BOLL: variants seen among roughly 807,000 people sequenced by gnomAD.
BOLL encodes boule RNA binding protein.
BOLL carries 23 observed loss-of-function variants against 44.4 expected under a neutral mutation model. That is an observed-to-expected ratio of 0.52 (90% CI 0.37 to 0.73). The LOEUF is 0.73. Among genes scored for constraint, BOLL ranks in the 30% least tolerant of loss-of-function variants. BOLL has a pLI of 0.00. For synonymous variants in BOLL, 97 were observed against 110.8 expected (o/e 0.88, Z 0.78); for missense variants, 287 against 338.3 (o/e 0.85, Z 1.19).
intron 5 of BOLL, chr2:197,774,413 A>G (rs1444067757): frequency 1.3e-5 from 2 of 152,276 alleles, no homozygotes; most frequent in African/African-American, 4.8e-5. Flanking sequence ...CAATGACTTT[A>G]TCTTTTTGGG....
chr2:197,776,093 G>T (rs985954004), intron 4 of BOLL, among the ~76,000 whole-genome samples: 1 of 151,544 alleles, frequency 6.6e-6, no homozygotes, highest in East Asian at 1.9e-4. Context: ...AGCCTGATGC[G>T]CATGCTCCCA....
At chr2:197,734,376 C>T (rs375285346) in intron 10 of BOLL, among the ~76,000 whole-genome samples, 112 of 152,218 alleles carry the variant, frequency 7.4e-4, no homozygotes, top group African/African-American at 2.2e-3. Context: ...GACTGTAAAC[C>T]AGTTCAACCA....
At position 197,768,695 on chromosome 2, in the gene BOLL, T is replaced by C. The variant is rs908954311; in HGVS notation, c.481-2092A>G. ...AAATAAAAAATAGCATATATTCTTG[T>C]AGTAAAAAACAAAAAACTAAAAAAG... On this transcript the variant is annotated intron_variant, in intron 6 of 10. Transcript: ENST00000392296. 2.7e-5 allele frequency among the ~76,000 whole-genome samples: 4 copies of C among 150,332 alleles called. No individual in the cohort carries two copies. The East Asian group carries it at 5.8e-4, about 22-fold the overall frequency.
intron 8 of BOLL, among the ~76,000 whole-genome samples, chr2:197,756,800 A>T (rs932963505): frequency 1.3e-5 from 2 of 152,182 alleles, no homozygotes; most frequent in African/African-American, 4.8e-5. Flanking sequence ...TGAGAACCTC[A>T]TATATAAATT....
upstream of BOLL, chr2:197,786,084 G>C (rs936128987): frequency 3.2e-6 from 5 of 1,544,294 alleles, no homozygotes; most frequent in African/African-American, 6.9e-5. This position sits in a 1 kb window ranked among gnomAD's most constrained non-coding sequence, Gnocchi z 5.9. Flanking sequence ...AGGCAGCAGC[G>C]CTGCTTGTCC....
At chr2:197,781,047 A>G (rs1370284136) in intron 2 of BOLL, among the ~76,000 whole-genome samples, 1 of 152,078 alleles carries the variant, frequency 6.6e-6, no homozygotes, top group Non-Finnish European at 1.5e-5. Context: ...TTTTATTTTA[A>G]GTTCGGGGTA....
At chr2:197,779,952 C>T (rs1399496104) in intron 2 of BOLL, among the ~76,000 whole-genome samples, 4 of 151,964 alleles carry the variant, frequency 2.6e-5, no homozygotes, top group Non-Finnish European at 5.9e-5. Flanking sequence ...CAACTGCCAC[C>T]TCACTACTTA....
intron 4 of BOLL, 75 bp from the exon 5 acceptor site, chr2:197,775,815 T>C: frequency 1.2e-6 from 1 of 869,358 alleles, no homozygotes; most frequent in East Asian, 3.2e-5. Context: ...AAAAACTAGT[T>C]AGAAAGAATT....
chr2:197,728,998 C>T (rs567485158), intron 10 of BOLL, among the ~76,000 whole-genome samples: 25 of 152,296 alleles, frequency 1.6e-4, no homozygotes, highest in Admixed American at 6.5e-4. Context: ...GGAACAGCTC[C>T]GGTCTACAGC....
Position 197,785,212 on chromosome 2 carries a change from G to A in BOLL, c.-172C>T, listed in dbSNP as rs1690015929. 1 of 985,830 alleles carries A rather than the reference G, an allele frequency of 1.0e-6. No homozygotes were observed. Among genetic ancestry groups the A allele is most frequent in the South Asian group, 4.7e-5 (1 of 21,294 alleles). 61.1% of individuals were successfully genotyped at this position (985,830 alleles called of 1,614,324 possible). A position where few individuals can be genotyped will look rare whatever the true frequency, so the allele number is the denominator to read the frequency against. ...CCACCCCCTCCCCACCAAAGTGCGGGAGGGAAAAGAAGGCTAGCCAGCGAG... is the reference window on the plus strand; with the variant it reads ...CCACCCCCTCCCCACCAAAGTGCGGAAGGGAAAAGAAGGCTAGCCAGCGAG... On this transcript the variant is annotated 5_prime_UTR_variant, in exon 1 of 11. Transcript: ENST00000392296. The surrounding 1 kb of genome is among the most constrained non-coding windows in gnomAD (Gnocchi z 6.7).
intron 7 of BOLL, chr2:197,758,924 CA>C: frequency 6.5e-7 from 1 of 1,531,778 alleles, no homozygotes; most frequent in Non-Finnish European, 8.7e-7. Context: ...AAATGTTAGC[CA>C]GGGGAGCAAA....
At chr2:197,783,110 C>T (rs909411823) in intron 1 of BOLL, among the ~76,000 whole-genome samples, 8 of 151,986 alleles carry the variant, frequency 5.3e-5, no homozygotes, top group African/African-American at 1.7e-4. Context: ...GAGACAAACC[C>T]CATAATATCC....
chr2:197,752,167 A>G (rs1065957), intron 9 of BOLL, among the ~76,000 whole-genome samples: 75,240 of 152,046 alleles, frequency 0.49, 19,272 homozygotes, highest in African/African-American at 0.6. Context: ...AATAAGAGCT[A>G]TTTATGACAA....
intron 9 of BOLL, among the ~76,000 whole-genome samples, chr2:197,751,039 G>C (rs1410597003): frequency 6.6e-6 from 1 of 152,166 alleles, no homozygotes; most frequent in East Asian, 1.9e-4. Flanking sequence ...ATCTGCTCCT[G>C]AATGACTAGT....
intron 5 of BOLL, among the ~76,000 whole-genome samples, chr2:197,772,339 T>C (rs1466999900): frequency 6.6e-6 from 1 of 152,056 alleles, no homozygotes; most frequent in Non-Finnish European, 1.5e-5. Flanking sequence ...AAATTATGTA[T>C]AATTTAAAGT....
chr2:197,758,651 TTGATGACCC>T (rs1447782876), intron 7 of BOLL, among the ~76,000 whole-genome samples: 4 of 152,188 alleles, frequency 2.6e-5, no homozygotes, highest in African/African-American at 9.6e-5. Flanking sequence ...AAGCCATAGT[TTGATGACCC>T]TGCTATAGAC....
chr2:197,785,708 C>G (rs1690044946), upstream of BOLL, among the ~76,000 whole-genome samples: 1 of 152,208 alleles, frequency 6.6e-6, no homozygotes, highest in East Asian at 1.9e-4. The surrounding 1 kb of genome is among the most constrained non-coding windows in gnomAD (Gnocchi z 6.7). Context: ...AGCCCGCCGC[C>G]TCCCGAAACA....
chr2:197,779,143 G>A, intron 2 of BOLL, 77 bp from the exon 3 acceptor site: 1 of 1,102,978 alleles, frequency 9.1e-7, no homozygotes, highest in Non-Finnish European at 1.3e-6. Flanking sequence ...TTGCTCTGGA[G>A]ACAGAAAAAG....
rs1006004473 is a variant in BOLL at position 197,769,009 on chromosome 2, G to A, written c.481-2406C>T. 3.3e-5 allele frequency among the ~76,000 whole-genome samples: 5 copies of A among 151,852 alleles called. No homozygotes were observed. The East Asian group carries it at 7.8e-4, about 24-fold the overall frequency. On this transcript the variant is annotated intron_variant, in intron 6 of 10. Coordinates refer to ENST00000392296, the MANE Select transcript of BOLL (RefSeq NM_033030.6). Reference sequence around the variant, plus strand: ...ACCAGCCTTGCATCCCAGGGATGAAGCCAACTTGATTATGGTGGATAAGCT... The same window carrying A: ...ACCAGCCTTGCATCCCAGGGATGAAACCAACTTGATTATGGTGGATAAGCT...
Sources: allele counts gnomAD v4.1 joint callset (sites outside exome capture counted in the v4.1 genomes callset), GRCh38; gene constraint gnomAD v4.1.1; non-coding constraint Gnocchi (gnomAD v3.1); transcripts MANE v1.5; gene names NCBI Gene and HGNC (gene_info 2026-07-23, HGNC 2026-07-21).